MOCOS: variants seen among roughly 807,000 people sequenced by gnomAD.
MOCOS encodes the protein human molybdenum cofactor sulfurase.
Under a neutral mutation model 83.6 loss-of-function variants are expected in MOCOS, and 86 were observed. The observed-to-expected ratio is 1.03, with a 90% CI of 0.86 to 1.23. MOCOS has a LOEUF of 1.23. Ranked by LOEUF, MOCOS falls within the 50% of genes most tolerant of loss-of-function variation. The probability of loss-of-function intolerance (pLI) is 0.00; values close to 1 mark genes in which losing one functional copy is unlikely to be tolerated. For missense variants in MOCOS, 1,120 were observed against 1,126.9 expected (o/e 0.99, Z 0.09); for synonymous variants, 445 against 434.7 (o/e 1.02, Z -0.29).
intron 9 of MOCOS, among the ~76,000 whole-genome samples, chr18:36,234,534 G>A (rs607364): frequency 1 from 151,696 of 152,260 alleles, 75,570 homozygotes; most frequent in East Asian, 1. Flanking sequence ...TTTCCATACG[G>A]ATTTTAGGAT....
At chr18:36,224,565 T>C (rs1568057956) in intron 9 of MOCOS, among the ~76,000 whole-genome samples, 1 of 152,250 alleles carries the variant, frequency 6.6e-6, no homozygotes, top group Non-Finnish European at 1.5e-5. Flanking sequence ...TCCTCTATTC[T>C]GTTAATGTAG....
At chr18:36,218,430 A>G (rs1012877802) in intron 8 of MOCOS, among the ~76,000 whole-genome samples, 5 of 152,042 alleles carry the variant, frequency 3.3e-5, no homozygotes, top group African/African-American at 1.2e-4. Flanking sequence ...TTTTGGGGAA[A>G]CAGTTTAAAA....
chr18:36,189,819 A>G (rs894010171), intron 1 of MOCOS: 2 of 152,204 alleles, frequency 1.3e-5, no homozygotes, highest in Non-Finnish European at 2.9e-5. Context: ...CCTGTTTCTA[A>G]TAACAGCTAC....
Position 36,203,180 on chromosome 18 carries a change from C to A in MOCOS, c.1009C>A (p.Arg337Ser). Residue 337 changes from arginine (R) to serine (S), a missense_variant, in exon 5 of 15, where the codon CGC (arginine) becomes AGC (serine). Transcript: ENST00000261326. ...AAAACATGGATTTGACACCCTAGAG[C>A]GCCTCACAGGTCAGTGGACATTTCT... Reference protein sequence around the residue: ...ALKHGFDTLERLTGGMENIKQ... With the variant: ...ALKHGFDTLESLTGGMENIKQ... 6.2e-6 allele frequency: 10 copies of A among 1,613,936 alleles called. No homozygotes were observed. The highest frequency in any genetic ancestry group is 1.1e-5 in the South Asian group (1 of 91,070).
At chr18:36,263,689 G>C (rs76350834) in intron 13 of MOCOS, among the ~76,000 whole-genome samples, 5,125 of 152,284 alleles carry the variant, frequency 0.034, 136 homozygotes, top group Middle Eastern at 0.065. Context: ...AGCAGCACCT[G>C]TCTCTGTGGA....
At chr18:36,208,155 T>G (rs2144909227) in intron 6 of MOCOS, among the ~76,000 whole-genome samples, 1 of 152,318 alleles carries the variant, frequency 6.6e-6, no homozygotes, top group South Asian at 2.1e-4. Flanking sequence ...TGAATTTATG[T>G]GTCTGTTTTT....
At position 36,257,068 on chromosome 18, in the gene MOCOS, C is replaced by T; in HGVS notation, c.2265C>T (p.Asn755=). Reference sequence around the variant, plus strand: ...TTTTGGAACTTCACCGGCAACTAAACACCAGGTAAGACCTCATACCTCGGG... The same window carrying T: ...TTTTGGAACTTCACCGGCAACTAAATACCAGGTAAGACCTCATACCTCGGG... ...SSILELHRQL[N]TSDENGKEEL... The change falls in exon 12 of 15, where the codon AAC becomes AAT. Residue 755 remains asparagine (N), a synonymous_variant. Coordinates refer to ENST00000261326, the MANE Select transcript of MOCOS (RefSeq NM_017947.4). The T allele has an allele frequency of 6.2e-7, 1 of 1,613,046 alleles. No individual in the cohort carries two copies. Among genetic ancestry groups the T allele is most frequent in the Non-Finnish European group, 8.5e-7 (1 of 1,179,030 alleles).
rs1307915187 is a variant in MOCOS at position 36,200,075 on chromosome 18, G to A, written c.692G>A (p.Gly231Glu). 6.2e-7 allele frequency: 1 copy of A among 1,614,162 alleles called. No homozygotes were observed. Residue 231 changes from glycine to glutamate, a missense_variant, in exon 4 of 15, where the codon GGG (glycine) becomes GAG (glutamate). Physicochemically the swap from Gly to Glu is moderately conservative, Grantham distance 98. Transcript: ENST00000261326. The stretch of plus-strand genomic sequence containing the variant: ...CGGTTGCACCCTGTGAGCACGCCTG[G>A]GAAGTGGTTTGTGCTGCTGGATGCA... ...SGRLHPVSTP[G>E]KWFVLLDAAS...
At chr18:36,227,399 ATT>A (rs1250536048) in intron 9 of MOCOS, among the ~76,000 whole-genome samples, 2 of 143,058 alleles carry the variant, frequency 1.4e-5, no homozygotes, top group Admixed American at 7.0e-5. Context: ...GCCCAGCTAA[ATT>A]TTTTTTTTTT....
intron 9 of MOCOS, among the ~76,000 whole-genome samples, chr18:36,248,074 G>A (rs1423801283): frequency 6.6e-6 from 1 of 152,092 alleles, no homozygotes; most frequent in African/African-American, 2.4e-5. Context: ...TACCAACAGT[G>A]TGTCAGAGTT....
chr18:36,268,454 A>G, intron 14 of MOCOS, 79 bp from the exon 15 acceptor site: 5 of 1,583,568 alleles, frequency 3.2e-6, no homozygotes, highest in Non-Finnish European at 4.3e-6. Flanking sequence ...GATTTTAGTT[A>G]AACATTAATA....
At chr18:36,227,767 A>G (rs779458798) in intron 9 of MOCOS, among the ~76,000 whole-genome samples, 36 of 152,322 alleles carry the variant, frequency 2.4e-4, no homozygotes, top group Non-Finnish European at 5.1e-4. Flanking sequence ...CATTCAGGAC[A>G]TAAGTAAGGG....
At position 36,220,174 on chromosome 18, in the gene MOCOS, C is replaced by G; in HGVS notation, c.1917C>G (p.Pro639=). Residue 639 remains proline, a synonymous_variant, in exon 9 of 15, where the codon CCC becomes CCG. Transcript: ENST00000261326. ...KQEPRLCLIQ[P]FIDLRQRIMV... ...AACCCCGGCTCTGCCTGATCCAGCC[C>G]TTCATCGACTTGCGGCAAAGGATCA... 1 of 1,614,144 alleles carries G rather than the reference C, an allele frequency of 6.2e-7. No individual in the cohort carries two copies. Among genetic ancestry groups the G allele is most frequent in the Non-Finnish European group, 8.5e-7 (1 of 1,180,042 alleles).
Position 36,260,048 on chromosome 18 carries a change from GA to G in MOCOS, c.2285del (p.Lys762ArgfsTer7). 1 of 1,614,214 alleles carries G rather than the reference GA, an allele frequency of 6.2e-7. No individual in the cohort carries two copies. Among genetic ancestry groups the G allele is most frequent in the Non-Finnish European group, 8.5e-7 (1 of 1,180,036 alleles). ...HRQLNTSDEN[G>X]KEELFSLKDL... ...GTTGCTTTAATCAGTGATGAGAATG[GA>G]AAGGAGGAATTATTCTCACTGAAGG... On this transcript the variant is annotated frameshift_variant, in exon 13 of 15. Transcript: ENST00000261326. LOFTEE classifies it high-confidence loss of function.
intron 6 of MOCOS, among the ~76,000 whole-genome samples, chr18:36,211,506 C>A (rs2091455294): frequency 6.6e-6 from 1 of 152,026 alleles, no homozygotes; most frequent in Admixed American, 6.5e-5. Context: ...AAAGTAAGTG[C>A]TCAATGAATG....
chr18:36,241,335 T>A (rs2091582023), intron 9 of MOCOS, among the ~76,000 whole-genome samples: 1 of 152,218 alleles, frequency 6.6e-6, no homozygotes, highest in Admixed American at 6.5e-5. Flanking sequence ...CCATTTTAAA[T>A]GGGAGAAATT....
chr18:36,216,588 C>G (rs1031675657), intron 8 of MOCOS, among the ~76,000 whole-genome samples: 2 of 152,098 alleles, frequency 1.3e-5, no homozygotes, highest in African/African-American at 4.8e-5. Flanking sequence ...CTATAGAATA[C>G]CAACTAATAA....
chr18:36,201,823 A>G (rs1283398621), intron 4 of MOCOS, among the ~76,000 whole-genome samples: 2 of 152,132 alleles, frequency 1.3e-5, no homozygotes, highest in Non-Finnish European at 2.9e-5. Flanking sequence ...GCTCATGTAA[A>G]ACCTCTTGAC....
At chr18:36,225,446 G>A (rs974943043) in intron 9 of MOCOS, among the ~76,000 whole-genome samples, 2 of 152,150 alleles carry the variant, frequency 1.3e-5, no homozygotes, top group South Asian at 2.1e-4. Context: ...CACTGTGCCC[G>A]GCAAGTTTTC....
Sources: gnomAD v4.1 joint callset for allele counts (sites outside exome capture counted in the v4.1 genomes callset) on GRCh38, gnomAD v4.1.1 for gene constraint, MANE v1.5 for transcripts, NCBI Gene and HGNC (gene_info 2026-07-23, HGNC 2026-07-21) for gene names.